Variants in STYXL1 observed in about 807,000 individuals in gnomAD.
STYXL1 encodes the protein serine/threonine/tyrosine-interacting-like protein 1.
A neutral mutation model predicts 36.4 loss-of-function variants in STYXL1; 32 were observed. The ratio of observed to expected loss-of-function variants is 0.88; its 90% CI spans 0.66 to 1.18. The LOEUF (loss-of-function observed/expected upper bound fraction) is 1.18. STYXL1 is among the 50% of genes most tolerant of loss of function. The probability of loss-of-function intolerance (pLI) is 0.00; values close to 1 mark genes in which losing one functional copy is unlikely to be tolerated. For missense variants in STYXL1, 354 were observed against 394.1 expected, an observed-to-expected ratio of 0.90 and a Z score of 0.86; for synonymous variants, 133 against 144.1, an observed-to-expected ratio of 0.92 and a Z score of 0.55.
chr7:76,032,399 G>GAAGA (rs1554579633), intron 1 of STYXL1, among the ~76,000 whole-genome samples: 1 of 132,386 alleles, frequency 7.6e-6, no homozygotes, highest in Non-Finnish European at 1.6e-5. Context: ...ACCCTGTCTT[G>GAAGA]AAAAAAAAAA....
At chr7:76,040,103 C>G (rs1796340891) in intron 1 of STYXL1, among the ~76,000 whole-genome samples, 1 of 152,122 alleles carries the variant, frequency 6.6e-6, no homozygotes, top group Non-Finnish European at 1.5e-5. Context: ...CCTAGTGGTC[C>G]TGTAAGGGTA....
chr7:76,033,116 G>C (rs1230735805), intron 1 of STYXL1, among the ~76,000 whole-genome samples: 1 of 152,140 alleles, frequency 6.6e-6, no homozygotes, highest in African/African-American at 2.4e-5. Context: ...GAAGGGTCAG[G>C]CCTGTGCAGG....
chr7:76,023,885 C>A (rs931519592), intron 3 of STYXL1, among the ~76,000 whole-genome samples: 1 of 151,964 alleles, frequency 6.6e-6, no homozygotes, highest in East Asian at 1.9e-4. Context: ...TGGTGGCACA[C>A]GCCTATAGTA....
chr7:76,010,302 C>T (rs1426834466), intron 5 of STYXL1, among the ~76,000 whole-genome samples: 1 of 152,100 alleles, frequency 6.6e-6, no homozygotes. Flanking sequence ...AGCTGAAATT[C>T]ACAGTGCTGT....
chr7:75,997,800 G>A (rs1197598657), intron 8 of STYXL1, among the ~76,000 whole-genome samples: 2 of 152,074 alleles, frequency 1.3e-5, no homozygotes, highest in Non-Finnish European at 2.9e-5. Context: ...AAAATTAGTT[G>A]CATGTCTATA....
chr7:76,009,119 C>T (rs1367697812), intron 5 of STYXL1, among the ~76,000 whole-genome samples: 3 of 152,150 alleles, frequency 2.0e-5, no homozygotes, highest in Non-Finnish European at 4.4e-5. Flanking sequence ...GTGGGTTTGG[C>T]TGGGAAGAGG....
chr7:76,038,707 T>G (rs1796188269), intron 1 of STYXL1, among the ~76,000 whole-genome samples: 1 of 150,186 alleles, frequency 6.7e-6, no homozygotes, highest in Admixed American at 6.6e-5. Flanking sequence ...ATTACAGGCG[T>G]GAGCCACCGT....
At chr7:76,043,712 C>A (rs1268487805) in intron 1 of STYXL1, among the ~76,000 whole-genome samples, 1 of 152,162 alleles carries the variant, frequency 6.6e-6, no homozygotes, top group Non-Finnish European at 1.5e-5. Flanking sequence ...TCTCTTATAA[C>A]CCCCTCCACC....
Position 76,037,027 on chromosome 7 carries a change from G to A in STYXL1, c.-4-6500C>T, listed in dbSNP as rs940023454. Among the ~76,000 whole-genome samples, 5 of 149,604 alleles carry A rather than the reference G, an allele frequency of 3.3e-5. 1 individual carries two copies. Among genetic ancestry groups the A allele is most frequent in the Middle Eastern group, 3.6e-3 (1 of 280 alleles). ...TCTCAATCTCCTGACCTCGTGATCC[G>A]CCCGCCTCGGCCTACCAAAGTGCTA... is the stretch of plus-strand genomic sequence containing the variant. On this transcript the variant is annotated intron_variant, in intron 1 of 8. Transcript: ENST00000359697.
Position 76,047,963 on chromosome 7 carries a change from G to C in STYXL1, c.-306C>G. Reference sequence around the variant, plus strand: ...ACCCAGCCAAACACCGGGGTTGCCAGGATGGTCCCACAGCTTTCCTTTCCG... The same window carrying C: ...ACCCAGCCAAACACCGGGGTTGCCACGATGGTCCCACAGCTTTCCTTTCCG... On this transcript the variant is annotated 5_prime_UTR_variant, in exon 1 of 9. Coordinates refer to ENST00000359697, the MANE Select transcript of STYXL1 (RefSeq NM_001317785.2). The C allele has an allele frequency of 6.8e-7, 1 of 1,463,902 alleles. No individual in the cohort carries two copies. Among genetic ancestry groups the C allele is most frequent in the Non-Finnish European group, 9.0e-7 (1 of 1,108,442 alleles). 90.7% of individuals were successfully genotyped at this position (1,463,902 alleles called of 1,614,324 possible). A position where few individuals can be genotyped will look rare whatever the true frequency, so the allele number is the denominator to read the frequency against.
At chr7:76,046,983 C>T (rs995056135) in intron 1 of STYXL1, among the ~76,000 whole-genome samples, 1 of 150,498 alleles carries the variant, frequency 6.6e-6, no homozygotes, top group South Asian at 2.2e-4. Flanking sequence ...TGTATCAGGC[C>T]GGGCGCGGTG....
chr7:76,016,254 G>A lies in STYXL1; in HGVS notation c.308-2367C>T, dbSNP rs553528298. On this transcript the variant is annotated intron_variant, in intron 4 of 8. Transcript: ENST00000359697. ...TATAATTATGTGTGTATAGATATACGTATATCTATATGTATGTGTGTATAT... is the reference window on the plus strand; with the variant it reads ...TATAATTATGTGTGTATAGATATACATATATCTATATGTATGTGTGTATAT... Among the ~76,000 whole-genome samples, 8 of 150,700 alleles carry A rather than the reference G, an allele frequency of 5.3e-5. No individual in the cohort carries two copies. The East Asian group carries it at 5.9e-4, about 11-fold the overall frequency.
At chr7:76,020,858 A>C (rs576529868) in intron 4 of STYXL1, among the ~76,000 whole-genome samples, 1 of 152,246 alleles carries the variant, frequency 6.6e-6, no homozygotes, top group Admixed American at 6.5e-5. Flanking sequence ...GCTGTTCTGC[A>C]GATCCAAGTA....
intron 8 of STYXL1, 50 bp downstream of exon 8, chr7:76,000,840 C>T (rs1175572971): frequency 6.4e-7 from 1 of 1,551,238 alleles, no homozygotes; most frequent in Non-Finnish European, 8.9e-7. Flanking sequence ...GCTCTGACCT[C>T]ACCTCCCAGG....
At position 76,003,756 on chromosome 7, in the gene STYXL1, A is replaced by T. The variant is rs1035410033; in HGVS notation, c.697+2T>A. The T allele has an allele frequency of 6.2e-7, 1 of 1,614,092 alleles. No homozygotes were observed. The highest frequency in any genetic ancestry group is 8.5e-7 in the Non-Finnish European group (1 of 1,179,960). ...GCTACCCGGCCAAGGAACGCTCCTTACCAATGAAGTGACACATGTGGCGTA... is the reference window on the plus strand; with the variant it reads ...GCTACCCGGCCAAGGAACGCTCCTTTCCAATGAAGTGACACATGTGGCGTA... On this transcript the variant is annotated splice_donor_variant, in intron 7 of 8. Transcript: ENST00000359697. LOFTEE classifies it high-confidence loss of function.
rs1223648312 is a variant in STYXL1 at position 76,038,522 on chromosome 7, T to C, written c.-4-7995A>G. On this transcript the variant is annotated intron_variant, in intron 1 of 8. Coordinates refer to ENST00000359697, the MANE Select transcript of STYXL1 (RefSeq NM_001317785.2). The stretch of plus-strand genomic sequence containing the variant: ...CTCACTGCGAGCTCTGCCTCCTGGG[T>C]TCCCGCCATTCTCCTGCCTCAGCCT... 1.2e-4 allele frequency among the ~76,000 whole-genome samples: 18 copies of C among 145,098 alleles called. 1 individual carries two copies. The highest frequency in any genetic ancestry group is 1.0e-3 in the Admixed American group (15 of 14,472).
intron 1 of STYXL1, among the ~76,000 whole-genome samples, chr7:76,040,628 G>C (rs1796386707): frequency 6.6e-6 from 1 of 152,132 alleles, no homozygotes; most frequent in African/African-American, 2.4e-5. Context: ...TGTGAAGTCA[G>C]GAGTTCAAGA....
At chr7:76,044,744 G>A (rs1796784866) in intron 1 of STYXL1, 1 of 152,206 alleles carries the variant, frequency 6.6e-6, no homozygotes, top group Non-Finnish European at 1.5e-5. Context: ...AGAATGCAGT[G>A]GCACAATCAT....
At chr7:76,025,175 G>A (rs1197982237) in intron 3 of STYXL1, among the ~76,000 whole-genome samples, 2 of 150,620 alleles carry the variant, frequency 1.3e-5, no homozygotes, top group African/African-American at 4.9e-5. Flanking sequence ...GAGCCTTTCT[G>A]TCCTGCTAGG....
Sources: allele counts gnomAD v4.1 joint callset (sites outside exome capture counted in the v4.1 genomes callset), GRCh38; gene constraint gnomAD v4.1.1; transcripts MANE v1.5; gene names NCBI Gene and HGNC (gene_info 2026-07-23, HGNC 2026-07-21).